Variants in HS6ST3 observed in about 807,000 individuals in gnomAD.
The protein encoded by HS6ST3 is heparan sulfate 6-O-sulfotransferase 3.
Under a neutral mutation model 36.7 loss-of-function variants are expected in HS6ST3, and 12 were observed. The ratio of observed to expected loss-of-function variants is 0.33; its 90% CI spans 0.21 to 0.53. The LOEUF is 0.53. Ranked by LOEUF, HS6ST3 falls within the 20% of genes least tolerant of loss-of-function variation. The pLI is 0.95. For missense variants in HS6ST3, 584 were observed against 640.9 expected, an observed-to-expected ratio of 0.91 and a Z score of 0.96; for synonymous variants, 240 against 257.5, an observed-to-expected ratio of 0.93 and a Z score of 0.65.
At chr13:96,768,251 C>T (rs1258319253) in intron 1 of HS6ST3, among the ~76,000 whole-genome samples, 2 of 152,176 alleles carry the variant, frequency 1.3e-5, no homozygotes, top group Non-Finnish European at 2.9e-5. Context: ...CCACTTTTAA[C>T]TGCCTTTGAA....
rs529432748 is a variant in HS6ST3, at chr13:96,412,669, C to A, written c.707+321100C>A. ...AGAATGTCAAAACCACAGAGAAGAT[C>A]AGTGAGGAAAGTGTTGAAAGGTTTC... On this transcript the variant is annotated intron_variant, in intron 1 of 1. Transcript: ENST00000376705. Among the ~76,000 whole-genome samples, 20 of 152,082 alleles carry A rather than the reference C, an allele frequency of 1.3e-4. No individual in the cohort carries two copies. In the South Asian group the frequency reaches 4.2e-3, roughly 32 times the overall value.
intron 1 of HS6ST3, among the ~76,000 whole-genome samples, chr13:96,563,698 A>G (rs1170297680): frequency 6.6e-6 from 1 of 152,164 alleles, no homozygotes; most frequent in Non-Finnish European, 1.5e-5. Context: ...GTCACTCTAT[A>G]AGGTTAAGTG....
At chr13:96,366,907 G>C (rs1202751878) in intron 1 of HS6ST3, among the ~76,000 whole-genome samples, 1 of 152,064 alleles carries the variant, frequency 6.6e-6, no homozygotes, top group East Asian at 1.9e-4. Context: ...TTATAAAGGG[G>C]ATTTCCCCTG....
chr13:96,442,952 A>G (rs1278992389), intron 1 of HS6ST3, among the ~76,000 whole-genome samples: 1 of 152,120 alleles, frequency 6.6e-6, no homozygotes, highest in Non-Finnish European at 1.5e-5. Flanking sequence ...AAGAAAATGG[A>G]AAAAATTTCA....
intron 1 of HS6ST3, among the ~76,000 whole-genome samples, chr13:96,226,558 T>A (rs1461818328): frequency 6.6e-6 from 1 of 152,130 alleles, no homozygotes; most frequent in Non-Finnish European, 1.5e-5. Flanking sequence ...AATTAAGACA[T>A]TATAATATCT....
At chr13:96,206,629 G>C (rs1212613698) in intron 1 of HS6ST3, among the ~76,000 whole-genome samples, 1 of 152,154 alleles carries the variant, frequency 6.6e-6, no homozygotes, top group Non-Finnish European at 1.5e-5. Flanking sequence ...CAATGGAAGA[G>C]AATAGATAAC....
At chr13:96,357,677 C>G (rs1240703446) in intron 1 of HS6ST3, among the ~76,000 whole-genome samples, 2 of 152,250 alleles carry the variant, frequency 1.3e-5, no homozygotes, top group East Asian at 3.9e-4. Flanking sequence ...ATCCTCCCAC[C>G]TAGGCTTTCT....
chr13:96,431,264 C>G (rs1345077095), intron 1 of HS6ST3, among the ~76,000 whole-genome samples: 3 of 147,902 alleles, frequency 2.0e-5, no homozygotes, highest in Non-Finnish European at 2.9e-5. Context: ...ACAAATAAAC[C>G]AAAACCAAAA....
intron 1 of HS6ST3, among the ~76,000 whole-genome samples, chr13:96,528,919 A>T (rs1262849724): frequency 6.6e-6 from 1 of 152,150 alleles, no homozygotes; most frequent in South Asian, 2.1e-4. Context: ...GCAAAATATG[A>T]AACAATGGCA....
chr13:96,134,363 T>C (rs182475090), intron 1 of HS6ST3, among the ~76,000 whole-genome samples: 1 of 152,164 alleles, frequency 6.6e-6, no homozygotes, highest in East Asian at 1.9e-4. Context: ...GTGTTATTTT[T>C]TTACCCCCTC....
chr13:96,831,975 A>AAAAAAAAAAAAAAC (rs1566464310), intron 1 of HS6ST3, among the ~76,000 whole-genome samples: 2 of 148,538 alleles, frequency 1.3e-5, no homozygotes, highest in African/African-American at 5.1e-5. Flanking sequence ...AAAAAAAAAA[A>AAAAAAAAAAAAAAC]AAAAACAGAG....
At chr13:96,499,029 ATTT>A (rs5805974) in intron 1 of HS6ST3, among the ~76,000 whole-genome samples, 6 of 126,834 alleles carry the variant, frequency 4.7e-5, no homozygotes, top group Admixed American at 8.1e-5. Flanking sequence ...TTGTTCACAC[ATTT>A]TTTTTTTTTT....
chr13:96,444,686 G>T (rs1351908853), intron 1 of HS6ST3, among the ~76,000 whole-genome samples: 1 of 152,072 alleles, frequency 6.6e-6, no homozygotes, highest in African/African-American at 2.4e-5. Context: ...ATTTAGTAGG[G>T]TTCACCTTTT....
intron 1 of HS6ST3, among the ~76,000 whole-genome samples, chr13:96,374,901 C>T (rs914868759): frequency 6.6e-6 from 1 of 152,112 alleles, no homozygotes; most frequent in Admixed American, 6.6e-5. Context: ...AGATGCACTG[C>T]ATTAATTTTA....
At chr13:96,395,089 G>A (rs1228745159) in intron 1 of HS6ST3, among the ~76,000 whole-genome samples, 3 of 152,090 alleles carry the variant, frequency 2.0e-5, no homozygotes, top group African/African-American at 7.2e-5. Context: ...TCTGGCTAAT[G>A]CACTTATATT....
intron 1 of HS6ST3, among the ~76,000 whole-genome samples, chr13:96,102,487 AAAAAAT>A (rs1163444336): frequency 6.6e-6 from 1 of 152,160 alleles, no homozygotes; most frequent in African/African-American, 2.4e-5. Context: ...GTCTCAAAAC[AAAAAAT>A]AAAAATAAAA....
chr13:96,576,433 A>G (rs1448162043), intron 1 of HS6ST3, among the ~76,000 whole-genome samples: 1 of 152,216 alleles, frequency 6.6e-6, no homozygotes, highest in Non-Finnish European at 1.5e-5. Flanking sequence ...CAGGGTGATC[A>G]GCTCTGGACT....
At chr13:96,715,457 T>G (rs970069121) in intron 1 of HS6ST3, among the ~76,000 whole-genome samples, 1 of 152,168 alleles carries the variant, frequency 6.6e-6, no homozygotes, top group African/African-American at 2.4e-5. Flanking sequence ...TACCTAAATT[T>G]GATAAACTTG....
At chr13:96,107,343 G>A (rs1566883332) in intron 1 of HS6ST3, among the ~76,000 whole-genome samples, 2 of 152,056 alleles carry the variant, frequency 1.3e-5, no homozygotes, top group Admixed American at 1.3e-4. Flanking sequence ...CCTAAGATGG[G>A]GCAATGAGTG....
Sources: allele counts gnomAD v4.1 joint callset (sites outside exome capture counted in the v4.1 genomes callset), GRCh38; gene constraint gnomAD v4.1.1; transcripts MANE v1.5; gene names NCBI Gene and HGNC (gene_info 2026-07-23, HGNC 2026-07-21).